SGK3: variants seen among roughly 807,000 people sequenced by gnomAD.
The protein encoded by SGK3 is serine/threonine-protein kinase Sgk3.
A neutral mutation model predicts 68.5 loss-of-function variants in SGK3; 47 were observed. The observed-to-expected ratio is 0.69, with a 90% CI of 0.54 to 0.87. The LOEUF is 0.87. Among genes scored for constraint, SGK3 ranks in the 40% least tolerant of loss-of-function variants. The pLI, the probability that SGK3 is intolerant of heterozygous loss-of-function variation, is 0.00. For missense variants in SGK3, 479 were observed against 575.5 expected, an observed-to-expected ratio of 0.83 and a Z score of 1.72; for synonymous variants, 181 against 189.1, an observed-to-expected ratio of 0.96 and a Z score of 0.35.
intron 1 of SGK3, chr8:66,775,345 C>A (rs780921983): frequency 6.6e-6 from 1 of 152,330 alleles, no homozygotes; most frequent in Non-Finnish European, 1.5e-5. Context: ...ATCGAGCTTG[C>A]GCGAGGAACC....
intron 1 of SGK3, among the ~76,000 whole-genome samples, chr8:66,764,355 G>T (rs1263215454): frequency 6.6e-6 from 1 of 151,836 alleles, no homozygotes; most frequent in African/African-American, 2.4e-5. Context: ...TTTAATTTTG[G>T]GAAGGAACCA....
At chr8:66,857,664 C>T (rs982279504) in intron 16 of SGK3, among the ~76,000 whole-genome samples, 4 of 151,944 alleles carry the variant, frequency 2.6e-5, no homozygotes, top group Non-Finnish European at 5.9e-5. Context: ...GCCTGTGGTC[C>T]CAGCTACTTG....
chr8:66,779,371 C>A (rs369817649), intron 1 of SGK3, among the ~76,000 whole-genome samples: 8 of 151,782 alleles, frequency 5.3e-5, no homozygotes, highest in African/African-American at 1.7e-4. Flanking sequence ...TTTATCTTTT[C>A]TCCTGTGGCC....
intron 4 of SGK3, among the ~76,000 whole-genome samples, chr8:66,804,970 T>G (rs1808091162): frequency 1.3e-5 from 2 of 152,052 alleles, no homozygotes; most frequent in Non-Finnish European, 2.9e-5. Context: ...TCCCAGCTAC[T>G]CAGGAGGCTG....
chr8:66,723,131 A>ATTT lies in SGK3; in HGVS notation c.-122+10317_-122+10319dup, dbSNP rs1177940065. On this transcript the variant is annotated intron_variant, in intron 1 of 16. Coordinates refer to ENST00000521198, the MANE Select transcript of SGK3 (RefSeq NM_001033578.3). ...TATATATATATATATATATATATAT[A>ATTT]TTTTTTTTTTTTTTTTTTTTTGTAA... Among the ~76,000 whole-genome samples the ATTT allele has an allele frequency of 3.4e-3, 100 of 29,488 alleles. 9 individuals are homozygous for ATTT. The highest frequency in any genetic ancestry group is 6.9e-3 in the East Asian group (4 of 582). The allele number at this position is 29,488 out of a possible 152,430, so 19.3% of individuals were successfully genotyped here.
At chr8:66,847,041 T>C in intron 14 of SGK3, 152 bp from the exon 15 acceptor site, 1 of 1,086,842 alleles carries the variant, frequency 9.2e-7, no homozygotes, top group African/African-American at 1.6e-5. Context: ...AGAATCTCTT[T>C]GCTTCAGGAA....
At chr8:66,813,984 GA>G in intron 5 of SGK3, 56 bp downstream of exon 5, 1 of 1,378,426 alleles carries the variant, frequency 7.3e-7, no homozygotes, top group Non-Finnish European at 9.7e-7. Context: ...TAAGAATACT[GA>G]ATAATCCTTA....
At chr8:66,839,887 T>G (rs1809728123) in intron 10 of SGK3, 116 bp from the exon 11 acceptor site, 1 of 972,468 alleles carries the variant, frequency 1.0e-6, no homozygotes, top group African/African-American at 1.7e-5. Context: ...TTAGCTCACA[T>G]TCAAAGTAAC....
At chr8:66,715,098 A>T (rs1222656147) in intron 1 of SGK3, among the ~76,000 whole-genome samples, 1 of 152,226 alleles carries the variant, frequency 6.6e-6, no homozygotes, top group Non-Finnish European at 1.5e-5. Context: ...AAAGGATGGG[A>T]ATCCCTTTGG....
At chr8:66,834,652 T>C (rs1809437291) in intron 8 of SGK3, among the ~76,000 whole-genome samples, 1 of 151,886 alleles carries the variant, frequency 6.6e-6, no homozygotes, top group Non-Finnish European at 1.5e-5. Flanking sequence ...CCTGTAATCT[T>C]AGAAACCAAC....
chr8:66,856,610 G>T (rs1251483678), intron 16 of SGK3, among the ~76,000 whole-genome samples: 1 of 152,190 alleles, frequency 6.6e-6, no homozygotes, highest in African/African-American at 2.4e-5. Flanking sequence ...TGCTCAGCCT[G>T]TATTATTCCT....
intron 8 of SGK3, among the ~76,000 whole-genome samples, chr8:66,835,041 A>G (rs1809465389): frequency 6.6e-6 from 1 of 152,140 alleles, no homozygotes; most frequent in Non-Finnish European, 1.5e-5. Flanking sequence ...AGGTCGAGGC[A>G]GGTGGATCAC....
intron 1 of SGK3, among the ~76,000 whole-genome samples, chr8:66,713,862 G>A (rs1804561813): frequency 6.6e-6 from 1 of 152,170 alleles, no homozygotes; most frequent in Admixed American, 6.5e-5. Flanking sequence ...TTTAGCACCG[G>A]GTGTGCCTTC....
In SGK3 at chr8:66,840,989, G is replaced by T. The variant is rs139957823; in HGVS notation, c.892-35G>T. 1.3e-4 allele frequency: 177 copies of T among 1,400,872 alleles called. 1 individual carries two copies. The African/African-American group carries it at 2.2e-3, about 18-fold the overall frequency. The allele number at this position is 1,400,872 out of a possible 1,614,324, so 86.8% of individuals were successfully genotyped here. On this transcript the variant is annotated intron_variant, in intron 12 of 16. Transcript: ENST00000521198. Reference sequence around the variant, plus strand: ...TGAAAAATTGTCAATTCATATTTATGCATTGTTTTATCTTACTGCCCCTGT... The same window carrying T: ...TGAAAAATTGTCAATTCATATTTATTCATTGTTTTATCTTACTGCCCCTGT...
At chr8:66,770,219 G>A (rs1235806945) in intron 1 of SGK3, among the ~76,000 whole-genome samples, 1 of 151,162 alleles carries the variant, frequency 6.6e-6, no homozygotes, top group East Asian at 2.0e-4. Context: ...CTCCCAAAGT[G>A]CTGGGATTAC....
intron 13 of SGK3, 119 bp downstream of exon 13, chr8:66,841,229 C>A (rs1248326102): frequency 2.4e-6 from 2 of 819,708 alleles, no homozygotes; most frequent in Non-Finnish European, 3.4e-6. Flanking sequence ...ATTTCAGCTT[C>A]CAGCCAGCTG....
chr8:66,753,239 G>A (rs1161051172), intron 1 of SGK3, among the ~76,000 whole-genome samples: 2 of 152,064 alleles, frequency 1.3e-5, no homozygotes, highest in African/African-American at 4.8e-5. Context: ...CATGCCCAAG[G>A]TTACACAGTT....
chr8:66,810,400 A>G (rs1386006579), intron 4 of SGK3, among the ~76,000 whole-genome samples: 2 of 152,186 alleles, frequency 1.3e-5, no homozygotes, highest in Non-Finnish European at 2.9e-5. Context: ...TTTCATAATA[A>G]AAAGTTAAAA....
chr8:66,717,053 A>C (rs1008712859), intron 1 of SGK3, among the ~76,000 whole-genome samples: 51 of 151,702 alleles, frequency 3.4e-4, no homozygotes, highest in African/African-American at 8.7e-4. Flanking sequence ...AAAAATACAT[A>C]AATTAGCTGG....
Sources: gnomAD v4.1 joint callset for allele counts (sites outside exome capture counted in the v4.1 genomes callset) on GRCh38, gnomAD v4.1.1 for gene constraint, MANE v1.5 for transcripts, NCBI Gene and HGNC (gene_info 2026-07-23, HGNC 2026-07-21) for gene names.